Variants in SMARCA5 observed in about 807,000 individuals in gnomAD.
SMARCA5 encodes the protein SNF2 related chromatin remodeling ATPase 5, also known as SWI/SNF-related matrix-associated actin-dependent regulator of chromatin subfamily A member 5.
Under a neutral mutation model 140.4 loss-of-function variants are expected in SMARCA5, and 18 were observed. That is an observed-to-expected ratio of 0.13 (90% CI 0.09 to 0.19). The LOEUF (loss-of-function observed/expected upper bound fraction) is 0.19, where lower values mean the gene tolerates loss of function less well. Among genes scored for constraint, SMARCA5 ranks in the 10% least tolerant of loss-of-function variants. The pLI, the probability that SMARCA5 is intolerant of heterozygous loss-of-function variation, is 1.00. For synonymous variants in SMARCA5, 449 were observed against 419.6 expected, an observed-to-expected ratio of 1.07 and a Z score of -0.86; for missense variants, 606 against 1,276.8, an observed-to-expected ratio of 0.47 and a Z score of 8.01.
In SMARCA5 at chr4:143,513,988, G is replaced by T. The variant is rs1452094027; in HGVS notation, c.64G>T (p.Ala22Ser). 1.9e-6 allele frequency: 3 copies of T among 1,563,342 alleles called. No homozygotes were observed. The highest frequency in any genetic ancestry group is 2.3e-5 in the East Asian group (1 of 42,612). The change falls in exon 1 of 24, where the codon GCC becomes TCC. Residue 22 changes from alanine to serine, a missense_variant. Physicochemically the swap from Ala to Ser is moderately conservative, Grantham distance 99. Transcript: ENST00000283131. ...PPESAPSKPA[A>S]SIASGGSNSS... is the part of the protein sequence containing the mutation. ...CGAGAGCGCGCCTTCCAAGCCCGCA[G>T]CCTCGATCGCCAGCGGCGGGAGCAA...
At chr4:143,543,474 T>C (rs1737469168) in intron 14 of SMARCA5, 35 bp from the exon 15 acceptor site, 2 of 1,580,190 alleles carry the variant, frequency 1.3e-6, no homozygotes, top group African/African-American at 2.7e-5. Context: ...ATAAAGTCTG[T>C]TCAGTTAACA....
intron 19 of SMARCA5, among the ~76,000 whole-genome samples, chr4:143,546,522 A>T (rs1201557195): frequency 6.6e-6 from 1 of 152,038 alleles, no homozygotes; most frequent in East Asian, 1.9e-4. Context: ...TAATCCTTCA[A>T]AGCTCAGTGA....
At chr4:143,552,265 TGTTTATGAGTTCTAATA>T (rs1016309337) in intron 23 of SMARCA5, among the ~76,000 whole-genome samples, 4 of 152,110 alleles carry the variant, frequency 2.6e-5, no homozygotes, top group African/African-American at 9.7e-5. Context: ...TCACTGAATT[TGTTTATGAGTTCTAATA>T]GTTTTTTGAT....
intron 23 of SMARCA5, among the ~76,000 whole-genome samples, chr4:143,552,435 G>A (rs539008691): frequency 1.3e-5 from 2 of 152,054 alleles, no homozygotes; most frequent in African/African-American, 4.8e-5. Context: ...TACTTAAAAA[G>A]TACAAATTTA....
In SMARCA5 at chr4:143,553,308, AC is replaced by A. The variant is rs1166606363; in HGVS notation, c.*125del. The A allele has an allele frequency of 1.8e-5, 12 of 685,640 alleles. No individual in the cohort carries two copies. Among genetic ancestry groups the A allele is most frequent in the East Asian group, 1.4e-4 (5 of 36,836 alleles). 42.5% of individuals were successfully genotyped at this position (685,640 alleles called of 1,614,324 possible). The stretch of plus-strand genomic sequence containing the variant: ...TTAAAGACATCAGGTTCATCTGTTT[AC>A]TGAGCTAGAAACATAGTATGTAGTT... On this transcript the variant is annotated 3_prime_UTR_variant, in exon 24 of 24. Coordinates refer to ENST00000283131, the MANE Select transcript of SMARCA5 (RefSeq NM_003601.4).
chr4:143,526,525 G>A (rs1737074085), intron 6 of SMARCA5, 65 bp downstream of exon 6: 3 of 1,018,170 alleles, frequency 2.9e-6, no homozygotes, highest in Non-Finnish European at 4.5e-6. Context: ...CTTGGGTATG[G>A]GTATAGCTGG....
chr4:143,541,229 G>T (rs1737419271), intron 14 of SMARCA5, among the ~76,000 whole-genome samples: 1 of 152,178 alleles, frequency 6.6e-6, no homozygotes, highest in African/African-American at 2.4e-5. Context: ...TAAAATTCAA[G>T]AAAAGGGGTG....
At chr4:143,523,906 T>G (rs1737016523) in intron 3 of SMARCA5, among the ~76,000 whole-genome samples, 1 of 152,138 alleles carries the variant, frequency 6.6e-6, no homozygotes, top group Admixed American at 6.5e-5. Context: ...GATGTAGAAT[T>G]TAGATGTGTA....
chr4:143,526,142 T>C, intron 5 of SMARCA5, 139 bp from the exon 6 acceptor site: 1 of 684,566 alleles, frequency 1.5e-6, no homozygotes, highest in South Asian at 1.8e-5. Flanking sequence ...CAAACTTTGA[T>C]ATATGTTAAG....
At chr4:143,520,420 A>G (rs1223643015) in intron 2 of SMARCA5, among the ~76,000 whole-genome samples, 1 of 152,192 alleles carries the variant, frequency 6.6e-6, no homozygotes, top group Non-Finnish European at 1.5e-5. Flanking sequence ...ATTTGCTGCT[A>G]TGACTGCCAT....
At chr4:143,549,441 A>G (rs1007708648) in intron 22 of SMARCA5, among the ~76,000 whole-genome samples, 1 of 152,016 alleles carries the variant, frequency 6.6e-6, no homozygotes, top group African/African-American at 2.4e-5. Flanking sequence ...GTTATACTTT[A>G]AATCTTTTCT....
intron 3 of SMARCA5, among the ~76,000 whole-genome samples, chr4:143,521,893 CAAAAAAAA>C (rs58679947): frequency 8.9e-5 from 4 of 44,810 alleles, no homozygotes; most frequent in African/African-American, 1.7e-4. Flanking sequence ...CCCATCTCTA[CAAAAAAAA>C]AAAAAAAAAA....
chr4:143,555,132 A>C lies in SMARCA5; in HGVS notation c.*1948A>C. The C allele has an allele frequency of 8.6e-6, 6 of 695,772 alleles. No individual in the cohort carries two copies. Among genetic ancestry groups the C allele is most frequent in the South Asian group, 8.2e-5 (6 of 73,084 alleles). The allele number at this position is 695,772 out of a possible 1,614,324, so 43.1% of individuals were successfully genotyped here. A position where few individuals can be genotyped will look rare whatever the true frequency, so the allele number is the denominator to read the frequency against. On this transcript the variant is annotated 3_prime_UTR_variant, in exon 24 of 24. Coordinates refer to ENST00000283131, the MANE Select transcript of SMARCA5 (RefSeq NM_003601.4). ...CTACTACTGCTACTGGAACTGCCTT[A>C]ACCACTACTGCTACTGGAACTGCCT...
Position 143,530,477 on chromosome 4 carries a change from A to G in SMARCA5, c.1109A>G (p.Asp370Gly), listed in dbSNP as rs370390401. 1 of 1,611,598 alleles carries G rather than the reference A, an allele frequency of 6.2e-7. No individual in the cohort carries two copies. Among genetic ancestry groups the G allele is most frequent in the African/African-American group, 1.3e-5 (1 of 74,820 alleles). The change falls in exon 9 of 24, where the codon GAT becomes GGT. Residue 370 changes from aspartate (D) to glycine (G), a missense_variant. This residue lies in a region of SMARCA5 where 15 missense variants were observed against 27.4 expected (regional missense o/e 0.55). Transcript: ENST00000283131. ...ATCTAGGACTTTGATTCCTGGTTTG[A>G]TACAAACAACTGCCTTGGGGATCAA... ...NSADDFDSWF[D>G]TNNCLGDQKL...
In SMARCA5 at chr4:143,545,520, T is replaced by C. The variant is rs1737506802; in HGVS notation, c.2334T>C (p.Pro778=). The C allele has an allele frequency of 6.2e-7, 1 of 1,613,476 alleles. No individual in the cohort carries two copies. Among genetic ancestry groups the C allele is most frequent in the Non-Finnish European group, 8.5e-7 (1 of 1,179,664 alleles). The change falls in exon 18 of 24, where the codon CCT becomes CCC. Residue 778 remains proline (P), a synonymous_variant. Coordinates refer to ENST00000283131, the MANE Select transcript of SMARCA5 (RefSeq NM_003601.4). ...ATGTTCAGGATTTCCAGTTCTTTCCTCCACGTTTATTTGAATTACTGGAAA... is the reference window on the plus strand; with the variant it reads ...ATGTTCAGGATTTCCAGTTCTTTCCCCCACGTTTATTTGAATTACTGGAAA... The part of the protein sequence containing the change: ...QPNVQDFQFF[P]PRLFELLEKE...
At chr4:143,517,947 A>C (rs975793936) in intron 2 of SMARCA5, among the ~76,000 whole-genome samples, 1 of 152,204 alleles carries the variant, frequency 6.6e-6, no homozygotes, top group East Asian at 1.9e-4. Flanking sequence ...TGTAAGCCAA[A>C]TGGAAGTATT....
chr4:143,551,584 A>G (rs543070086), intron 23 of SMARCA5, among the ~76,000 whole-genome samples: 1 of 152,160 alleles, frequency 6.6e-6, no homozygotes, highest in East Asian at 1.9e-4. Flanking sequence ...ATAGTTAGGG[A>G]TACAGGTCAA....
chr4:143,548,199 G>T, intron 22 of SMARCA5, 59 bp downstream of exon 22: 4 of 1,005,110 alleles, frequency 4.0e-6, no homozygotes, highest in South Asian at 1.7e-5. Flanking sequence ...TGTCATCTTT[G>T]GTATTCTTTA....
intron 22 of SMARCA5, among the ~76,000 whole-genome samples, chr4:143,549,146 AG>A (rs749600048): frequency 1.3e-5 from 2 of 152,240 alleles, no homozygotes; most frequent in Non-Finnish European, 2.9e-5. Context: ...TAATTTAACT[AG>A]TACAGTACCG....
Sources: allele counts gnomAD v4.1 joint callset (sites outside exome capture counted in the v4.1 genomes callset), GRCh38; gene constraint gnomAD v4.1.1; regional missense constraint gnomAD v4.1.1; transcripts MANE v1.5; gene names NCBI Gene and HGNC (gene_info 2026-07-23, HGNC 2026-07-21).